The following CAST variants were observed in gnomAD, a reference collection of about 807,000 sequenced individuals.
CAST encodes the protein MIR583 host.
A neutral mutation model predicts 119.6 loss-of-function variants in CAST; 76 were observed. That is an observed-to-expected ratio of 0.64 (90% CI 0.53 to 0.77). The LOEUF is 0.77. CAST is among the 30% of genes least tolerant of loss of function. The pLI is 0.00. For synonymous variants in CAST, 319 were observed against 331.6 expected, an observed-to-expected ratio of 0.96 and a Z score of 0.41; for missense variants, 953 against 946.5, an observed-to-expected ratio of 1.01 and a Z score of -0.09.
chr5:96,220,255 A>C, the CAST span, among the ~76,000 whole-genome samples: 1 of 152,160 alleles, frequency 6.6e-6, no homozygotes. Flanking sequence ...CTTTGTGAAG[A>C]CATGATGCTT....
the CAST span, among the ~76,000 whole-genome samples, chr5:96,016,213 C>G: frequency 1.3e-5 from 2 of 152,224 alleles, no homozygotes; most frequent in Admixed American, 1.3e-4. Flanking sequence ...TACGCCAATT[C>G]TTAGCAATGA....
At chr5:96,100,340 G>A in the CAST span, among the ~76,000 whole-genome samples, 6,117 of 152,240 alleles carry the variant, frequency 0.04, 346 homozygotes, top group African/African-American at 0.13. Context: ...CCCCTGACAT[G>A]CTAGCTTCTG....
chr5:96,325,639 C>T, the CAST span, among the ~76,000 whole-genome samples: 1 of 151,954 alleles, frequency 6.6e-6, no homozygotes, highest in Non-Finnish European at 1.5e-5. Flanking sequence ...GCTACCACGT[C>T]CGGCTAAGTT....
At chr5:96,396,788 A>T in the CAST span, among the ~76,000 whole-genome samples, 3 of 152,212 alleles carry the variant, frequency 2.0e-5, no homozygotes, top group African/African-American at 7.2e-5. Context: ...TTACAGAAGG[A>T]TGTCAAAGAA....
chr5:96,117,416 A>G, the CAST span, among the ~76,000 whole-genome samples: 1 of 152,200 alleles, frequency 6.6e-6, no homozygotes, highest in East Asian at 1.9e-4. Flanking sequence ...AGAAACTAGT[A>G]TAAAATAGTG....
At chr5:96,407,806 C>T in the CAST span, among the ~76,000 whole-genome samples, 1 of 152,192 alleles carries the variant, frequency 6.6e-6, no homozygotes, top group African/African-American at 2.4e-5. Context: ...GTTTTTTAAA[C>T]TTGTTCCTAA....
chr5:96,061,661 G>A, the CAST span, among the ~76,000 whole-genome samples: 1 of 151,920 alleles, frequency 6.6e-6, no homozygotes, highest in Non-Finnish European at 1.5e-5. Flanking sequence ...GTGTGTGTGT[G>A]TGTGTGCGTG....
the CAST span, among the ~76,000 whole-genome samples, chr5:95,972,384 AGCACTTG>A: frequency 1.3e-5 from 2 of 151,968 alleles, no homozygotes. Flanking sequence ...TGTACTTGTC[AGCACTTG>A]GCATTGTCAG....
intron 1 of CAST, among the ~76,000 whole-genome samples, chr5:96,599,571 G>T (rs17086339): frequency 6.6e-6 from 1 of 151,916 alleles, no homozygotes; most frequent in Non-Finnish European, 1.5e-5. Flanking sequence ...TCATTCTTCA[G>T]GCCATCATGA....
intron 3 of CAST, among the ~76,000 whole-genome samples, chr5:96,704,070 C>T (rs957378665): frequency 2.0e-5 from 3 of 152,290 alleles, no homozygotes; most frequent in Admixed American, 2.0e-4. Context: ...GGAAAGGCCA[C>T]ACCTGTAGAC....
At chr5:96,422,781 A>G in the CAST span, among the ~76,000 whole-genome samples, 1 of 152,262 alleles carries the variant, frequency 6.6e-6, no homozygotes, top group Non-Finnish European at 1.5e-5. Flanking sequence ...TATAAACTTA[A>G]TAAACAATGA....
At chr5:96,304,073 A>G in the CAST span, among the ~76,000 whole-genome samples, 56 of 152,344 alleles carry the variant, frequency 3.7e-4, no homozygotes, top group South Asian at 5.6e-3. Context: ...CCAACAGTGT[A>G]AAAGCGTTCC....
chr5:96,089,155 A>G, the CAST span, among the ~76,000 whole-genome samples: 3 of 149,854 alleles, frequency 2.0e-5, no homozygotes, highest in Non-Finnish European at 4.4e-5. Flanking sequence ...GAAGTATATG[A>G]CTTTTAAAGG....
intron 28 of CAST, among the ~76,000 whole-genome samples, 191 bp downstream of exon 28, chr5:96,767,673 A>G (rs1770481564): frequency 6.6e-6 from 1 of 152,192 alleles, no homozygotes; most frequent in African/African-American, 2.4e-5. Flanking sequence ...TTAGGGTGGA[A>G]AACTGAGGCT....
At chr5:96,157,080 CTG>C in the CAST span, among the ~76,000 whole-genome samples, 5 of 152,258 alleles carry the variant, frequency 3.3e-5, no homozygotes, top group African/African-American at 1.2e-4. Flanking sequence ...GTGATTTACA[CTG>C]TCTTAGGTTT....
chr5:96,022,622 A>G, the CAST span, among the ~76,000 whole-genome samples: 2 of 152,232 alleles, frequency 1.3e-5, no homozygotes, highest in Non-Finnish European at 2.9e-5. Context: ...CCAATGAGGA[A>G]GAAGCAAGAA....
At chr5:96,645,262 A>T (rs1413790826) in intron 1 of CAST, among the ~76,000 whole-genome samples, 1 of 152,134 alleles carries the variant, frequency 6.6e-6, no homozygotes, top group African/African-American at 2.4e-5. Flanking sequence ...TCTGGGGAAG[A>T]TTATCACAGT....
At chr5:96,441,753 A>G in the CAST span, among the ~76,000 whole-genome samples, 1 of 152,224 alleles carries the variant, frequency 6.6e-6, no homozygotes, top group Non-Finnish European at 1.5e-5. Context: ...AGGCACACAG[A>G]GAAAATAGTC....
At chr5:96,001,957 C>T in the CAST span, among the ~76,000 whole-genome samples, 12 of 152,260 alleles carry the variant, frequency 7.9e-5, no homozygotes, top group East Asian at 7.7e-4. Flanking sequence ...CTTGAGAACC[C>T]CTCGAATTCT....
Sources: allele counts gnomAD v4.1 joint callset (sites outside exome capture counted in the v4.1 genomes callset), GRCh38; gene constraint gnomAD v4.1.1; transcripts MANE v1.5; gene names NCBI Gene and HGNC (gene_info 2026-07-23, HGNC 2026-07-21).